The following NCKAP5 variants were observed in gnomAD, a reference collection of about 807,000 sequenced individuals.
The protein encoded by NCKAP5 is NCK associated protein 5.
Under a neutral mutation model 167.0 loss-of-function variants are expected in NCKAP5, and 92 were observed. The observed-to-expected ratio is 0.55, with a 90% CI of 0.47 to 0.66. NCKAP5 has a LOEUF of 0.66. Ranked by LOEUF, NCKAP5 falls within the 30% of genes least tolerant of loss-of-function variation. The pLI is 0.00. For missense variants in NCKAP5, 2,378 were observed against 2,315.0 expected, an observed-to-expected ratio of 1.03 and a Z score of -0.56; for synonymous variants, 891 against 877.4, an observed-to-expected ratio of 1.02 and a Z score of -0.27.
intron 6 of NCKAP5, among the ~76,000 whole-genome samples, chr2:133,121,560 T>C (rs886336625): frequency 6.6e-6 from 1 of 152,214 alleles, no homozygotes; most frequent in Non-Finnish European, 1.5e-5. Context: ...TTGTGTGGCT[T>C]CCTTTGTCTA....
chr2:133,340,551 G>C (rs908729068), intron 3 of NCKAP5, among the ~76,000 whole-genome samples: 1 of 152,040 alleles, frequency 6.6e-6, no homozygotes, highest in African/African-American at 2.4e-5. Context: ...CAGTGGCTCT[G>C]GATACCCCCT....
At chr2:132,939,868 T>C (rs1488317556) in intron 8 of NCKAP5, among the ~76,000 whole-genome samples, 1 of 152,022 alleles carries the variant, frequency 6.6e-6, no homozygotes, top group East Asian at 1.9e-4. Flanking sequence ...GGTGTGGTGG[T>C]GGGTGCCTGT....
intron 3 of NCKAP5, among the ~76,000 whole-genome samples, chr2:133,361,945 T>C (rs534626134): frequency 6.6e-6 from 1 of 151,680 alleles, no homozygotes; most frequent in African/African-American, 2.4e-5. Context: ...ACTATAAGCA[T>C]AAAGAGTGTA....
At chr2:132,926,545 G>T (rs1203654472) in intron 8 of NCKAP5, among the ~76,000 whole-genome samples, 1 of 151,662 alleles carries the variant, frequency 6.6e-6, no homozygotes, top group Non-Finnish European at 1.5e-5. Context: ...TTTTGTTTTT[G>T]GTTTTTGTCT....
At chr2:133,514,707 G>T (rs996097988) in intron 3 of NCKAP5, among the ~76,000 whole-genome samples, 2 of 152,072 alleles carry the variant, frequency 1.3e-5, no homozygotes, top group South Asian at 2.1e-4. Flanking sequence ...ACTTAAGAAC[G>T]TAATATGTTT....
intron 4 of NCKAP5, among the ~76,000 whole-genome samples, chr2:133,214,650 G>T (rs551609513): frequency 1.3e-5 from 2 of 152,134 alleles, no homozygotes; most frequent in South Asian, 4.1e-4. Flanking sequence ...CTTTTCAATT[G>T]TTCTTTAAAA....
intron 8 of NCKAP5, among the ~76,000 whole-genome samples, chr2:132,927,167 A>T (rs1390540898): frequency 6.6e-6 from 1 of 152,194 alleles, no homozygotes; most frequent in Admixed American, 6.5e-5. Context: ...GTCAAAAATC[A>T]GTTGGCTGTA....
chr2:133,181,566 G>C (rs1314273441), intron 5 of NCKAP5, among the ~76,000 whole-genome samples: 2 of 146,376 alleles, frequency 1.4e-5, no homozygotes, highest in Non-Finnish European at 3.0e-5. Flanking sequence ...CAGGGGTTCA[G>C]GGCCAGCCTC....
At chr2:133,263,980 C>A (rs945730164) in intron 4 of NCKAP5, among the ~76,000 whole-genome samples, 2 of 152,192 alleles carry the variant, frequency 1.3e-5, no homozygotes, top group Non-Finnish European at 2.9e-5. Context: ...AGTCTCCCAG[C>A]AACTTTGTGC....
At chr2:133,311,557 C>T (rs1169564172) in intron 3 of NCKAP5, among the ~76,000 whole-genome samples, 2 of 152,122 alleles carry the variant, frequency 1.3e-5, no homozygotes, top group Non-Finnish European at 2.9e-5. Flanking sequence ...GCTGAAAGTT[C>T]CAACCCTTTA....
At chr2:133,130,213 T>G (rs903849891) in intron 5 of NCKAP5, 102 bp from the exon 6 acceptor site, 16 of 1,322,882 alleles carry the variant, frequency 1.2e-5, no homozygotes, top group Non-Finnish European at 1.5e-5. Context: ...ATATATGAAT[T>G]TCATCCTTTG....
the NCKAP5 span, among the ~76,000 whole-genome samples, chr2:133,619,018 A>G: frequency 2.0e-4 from 29 of 143,530 alleles, no homozygotes; most frequent in African/African-American, 7.4e-4. Context: ...ACATGGATGA[A>G]ATTGGAAATC....
At chr2:133,512,299 C>T (rs913263017) in intron 3 of NCKAP5, among the ~76,000 whole-genome samples, 4 of 152,120 alleles carry the variant, frequency 2.6e-5, no homozygotes, top group Admixed American at 6.6e-5. Context: ...ACAGCCTAAA[C>T]CTGTTCCTCT....
chr2:132,881,333 C>A (rs1691730628), intron 8 of NCKAP5, among the ~76,000 whole-genome samples: 2 of 151,972 alleles, frequency 1.3e-5, no homozygotes, highest in Admixed American at 6.6e-5. Flanking sequence ...CACCACCACA[C>A]CTGGCTAATT....
At chr2:132,950,928 T>A (rs2076168049) in intron 8 of NCKAP5, among the ~76,000 whole-genome samples, 1 of 150,468 alleles carries the variant, frequency 6.6e-6, no homozygotes, top group Admixed American at 6.6e-5. Flanking sequence ...GAAAAAAAAA[T>A]GATGTCACAG....
At chr2:132,858,650 G>C (rs1289052915) in intron 11 of NCKAP5, among the ~76,000 whole-genome samples, 1 of 152,136 alleles carries the variant, frequency 6.6e-6, no homozygotes, top group Non-Finnish European at 1.5e-5. Context: ...ACTATTAACA[G>C]CCCATCTTTT....
At chr2:132,790,534 A>G (rs1007336076) in intron 12 of NCKAP5, among the ~76,000 whole-genome samples, 2 of 152,210 alleles carry the variant, frequency 1.3e-5, no homozygotes, top group African/African-American at 4.8e-5. Flanking sequence ...GAATGGTTGT[A>G]TGGGTGCTCA....
chr2:133,440,579 G>A (rs6754917), intron 3 of NCKAP5, among the ~76,000 whole-genome samples: 13,821 of 151,544 alleles, frequency 0.091, 1,166 homozygotes, highest in East Asian at 0.25. Context: ...GCGTGATGGC[G>A]GGCACCTGAA....
At chr2:133,308,778 G>A (rs1486653650) in intron 3 of NCKAP5, among the ~76,000 whole-genome samples, 1 of 128,366 alleles carries the variant, frequency 7.8e-6, no homozygotes, top group Non-Finnish European at 1.6e-5. Flanking sequence ...GCGCAATCTC[G>A]GCTCACTGCA....
Sources: gnomAD v4.1 joint callset for allele counts (sites outside exome capture counted in the v4.1 genomes callset) on GRCh38, gnomAD v4.1.1 for gene constraint, MANE v1.5 for transcripts, NCBI Gene and HGNC (gene_info 2026-07-23, HGNC 2026-07-21) for gene names.